Variants in RBKS observed in about 807,000 individuals in gnomAD.
RBKS encodes the protein ribokinase.
Under a neutral mutation model 33.9 loss-of-function variants are expected in RBKS, and 33 were observed. The observed-to-expected ratio is 0.97, with a 90% CI of 0.74 to 1.30. RBKS has a LOEUF of 1.30. Among genes scored for constraint, RBKS ranks in the 50% most tolerant of loss-of-function variants. The pLI, the probability that RBKS is intolerant of heterozygous loss-of-function variation, is 0.00. For synonymous variants in RBKS, 125 were observed against 143.0 expected (o/e 0.87, Z 0.90); for missense variants, 361 against 392.6 (o/e 0.92, Z 0.68).
intron 6 of RBKS, among the ~76,000 whole-genome samples, chr2:27,828,079 T>G (rs1165346851): frequency 2.6e-5 from 4 of 152,190 alleles, no homozygotes; most frequent in African/African-American, 7.2e-5. Context: ...GTATTTGGGG[T>G]GAGGCATCAT....
chr2:27,820,616 T>G (rs1371357065), intron 7 of RBKS, among the ~76,000 whole-genome samples: 1 of 152,054 alleles, frequency 6.6e-6, no homozygotes, highest in Non-Finnish European at 1.5e-5. Context: ...CTTGCTATGT[T>G]GCCCAGGCTG....
At chr2:27,847,453 G>C (rs1396683121) in intron 3 of RBKS, among the ~76,000 whole-genome samples, 1 of 152,170 alleles carries the variant, frequency 6.6e-6, no homozygotes, top group African/African-American at 2.4e-5. Context: ...GAGATAAAAA[G>C]TAAAGGTCAA....
intron 7 of RBKS, among the ~76,000 whole-genome samples, chr2:27,817,998 C>T (rs551519966): frequency 5.3e-5 from 8 of 152,160 alleles, no homozygotes; most frequent in Admixed American, 3.3e-4. Flanking sequence ...TATATCACCA[C>T]GTGGTCCTGC....
chr2:27,850,271 A>G (rs1429761059), intron 2 of RBKS, among the ~76,000 whole-genome samples: 1 of 152,232 alleles, frequency 6.6e-6, no homozygotes, highest in Non-Finnish European at 1.5e-5. Context: ...CCCCACTATT[A>G]ACATCCTGCA....
intron 2 of RBKS, among the ~76,000 whole-genome samples, chr2:27,855,734 A>G (rs1663846377): frequency 6.6e-6 from 1 of 152,230 alleles, no homozygotes; most frequent in African/African-American, 2.4e-5. Flanking sequence ...GTATCACTGT[A>G]TAAATAATGA....
At chr2:27,835,581 G>A (rs946628739) in intron 5 of RBKS, among the ~76,000 whole-genome samples, 3 of 135,678 alleles carry the variant, frequency 2.2e-5, no homozygotes, top group African/African-American at 6.1e-5. Flanking sequence ...CCATGCTTGG[G>A]CAATTTTTTT....
At chr2:27,816,475 G>A (rs1338519372) in intron 7 of RBKS, among the ~76,000 whole-genome samples, 1 of 152,154 alleles carries the variant, frequency 6.6e-6, no homozygotes, top group Non-Finnish European at 1.5e-5. Flanking sequence ...TAAGAGGGCT[G>A]TTTCGGAACC....
At chr2:27,826,315 ATC>A (rs767431296) in intron 7 of RBKS, among the ~76,000 whole-genome samples, 9 of 152,212 alleles carry the variant, frequency 5.9e-5, no homozygotes, top group African/African-American at 1.2e-4. Context: ...ATGAATAATT[ATC>A]TGTTTCTTCT....
intron 2 of RBKS, among the ~76,000 whole-genome samples, chr2:27,852,915 CA>C: frequency 6.6e-6 from 1 of 152,324 alleles, no homozygotes; most frequent in Non-Finnish European, 1.5e-5. Flanking sequence ...TGTTGTCATA[CA>C]AAACCCAGCT....
intron 1 of RBKS, among the ~76,000 whole-genome samples, chr2:27,869,382 G>A (rs1163283975): frequency 6.6e-6 from 1 of 152,166 alleles, no homozygotes; most frequent in African/African-American, 2.4e-5. Flanking sequence ...TTAAACCCGA[G>A]TGCAGTATTC....
rs1049075043 is a variant in RBKS at position 27,788,622 on chromosome 2, G to A, written c.796-6834C>T. On this transcript the variant is annotated intron_variant, in intron 7 of 7. Transcript: ENST00000302188. ...CTCGGGAGGCTGAGGCAGGTGAATG[G>A]TGTGAACCTGGGAGGTGAAGCTTGC... is the stretch of plus-strand genomic sequence containing the variant. 3.3e-5 allele frequency among the ~76,000 whole-genome samples: 5 copies of A among 152,158 alleles called. No individual in the cohort carries two copies. In the South Asian group the frequency reaches 1.0e-3, roughly 31 times the overall value.
chr2:27,826,959 G>C (rs550156660), intron 7 of RBKS, among the ~76,000 whole-genome samples: 1 of 151,812 alleles, frequency 6.6e-6, no homozygotes, highest in Non-Finnish European at 1.5e-5. Context: ...CTGTAAAATG[G>C]AAATAATACT....
At chr2:27,784,556 C>A (rs556168298) in intron 7 of RBKS, among the ~76,000 whole-genome samples, 5 of 152,156 alleles carry the variant, frequency 3.3e-5, no homozygotes, top group Admixed American at 2.0e-4. Context: ...AAGCGCCCCC[C>A]ACCTTGCCTC....
chr2:27,806,688 C>G (rs1299118516), intron 7 of RBKS, among the ~76,000 whole-genome samples: 1 of 152,208 alleles, frequency 6.6e-6, no homozygotes, highest in Non-Finnish European at 1.5e-5. Context: ...TATTTTGAAA[C>G]TTCTCTTTCA....
intron 2 of RBKS, among the ~76,000 whole-genome samples, chr2:27,851,425 T>C (rs1317305274): frequency 1.3e-5 from 2 of 152,220 alleles, no homozygotes; most frequent in African/African-American, 4.8e-5. Context: ...GTTAGTCTAG[T>C]CTTCTTAAAA....
chr2:27,886,369 C>A (rs6716565), intron 1 of RBKS, among the ~76,000 whole-genome samples: 18 of 152,138 alleles, frequency 1.2e-4, no homozygotes, highest in African/African-American at 4.1e-4. Flanking sequence ...AATAGGCATG[C>A]GTGTCCAGGC....
At chr2:27,878,266 G>A (rs1664354200) in intron 1 of RBKS, among the ~76,000 whole-genome samples, 1 of 151,820 alleles carries the variant, frequency 6.6e-6, no homozygotes, top group South Asian at 2.1e-4. Flanking sequence ...CCACCTATGA[G>A]TGAGAATATG....
chr2:27,852,882 G>T (rs1663778811), intron 2 of RBKS, among the ~76,000 whole-genome samples: 3 of 152,190 alleles, frequency 2.0e-5, no homozygotes, highest in Admixed American at 2.0e-4. Context: ...GTGAACAGCT[G>T]GTTGAGGAGA....
intron 1 of RBKS, among the ~76,000 whole-genome samples, chr2:27,859,504 T>A (rs1016392180): frequency 6.6e-6 from 1 of 152,176 alleles, no homozygotes. Context: ...TTTCATATTA[T>A]TAAAGATGGA....
Sources: allele counts gnomAD v4.1 joint callset (sites outside exome capture counted in the v4.1 genomes callset), GRCh38; gene constraint gnomAD v4.1.1; transcripts MANE v1.5; gene names NCBI Gene and HGNC (gene_info 2026-07-23, HGNC 2026-07-21).